Variants in SLC39A10 observed in about 807,000 individuals in gnomAD.
SLC39A10 encodes solute carrier family 39 member 10.
A neutral mutation model predicts 65.1 loss-of-function variants in SLC39A10; 13 were observed. That is an observed-to-expected ratio of 0.20 (90% CI 0.13 to 0.32). The LOEUF (loss-of-function observed/expected upper bound fraction) is 0.32. Ranked by LOEUF, SLC39A10 falls within the 10% of genes least tolerant of loss-of-function variation. The pLI, the probability that SLC39A10 is intolerant of heterozygous loss-of-function variation, is 1.00. For missense variants in SLC39A10, 831 were observed against 1,018.4 expected (o/e 0.82, Z 2.50); for synonymous variants, 321 against 342.2 (o/e 0.94, Z 0.68).
chr2:195,615,049 G>A (rs887423042), intron 2 of SLC39A10, among the ~76,000 whole-genome samples: 5 of 152,076 alleles, frequency 3.3e-5, no homozygotes, highest in African/African-American at 1.2e-4. Flanking sequence ...GTGAGACCTT[G>A]TCTCAAAAAG....
intron 2 of SLC39A10, among the ~76,000 whole-genome samples, chr2:195,626,781 G>A (rs1248353409): frequency 6.6e-6 from 1 of 152,072 alleles, no homozygotes; most frequent in Non-Finnish European, 1.5e-5. Flanking sequence ...AAGAATGCCA[G>A]GTAAAATATT....
chr2:195,652,990 TG>T (rs547060506), upstream of SLC39A10, among the ~76,000 whole-genome samples: 67 of 152,198 alleles, frequency 4.4e-4, no homozygotes, highest in African/African-American at 1.6e-3. Flanking sequence ...TAATCTGAGG[TG>T]GAACAGTTTC....
intron 6 of SLC39A10, among the ~76,000 whole-genome samples, chr2:195,713,974 T>C (rs1450580230): frequency 6.6e-6 from 1 of 152,096 alleles, no homozygotes; most frequent in Admixed American, 6.6e-5. Context: ...TCGCCCAGGC[T>C]GGAGTGCAGT....
chr2:195,657,200 CT>C, upstream of SLC39A10: 1 of 182,136 alleles, frequency 5.5e-6, no homozygotes, highest in South Asian at 1.8e-4. Context: ...TTAGCGCAGT[CT>C]GCTTTGGTGA....
intron 3 of SLC39A10, among the ~76,000 whole-genome samples, chr2:195,691,323 A>AT (rs1412369033): frequency 6.6e-6 from 1 of 152,154 alleles, no homozygotes; most frequent in African/African-American, 2.4e-5. Flanking sequence ...GCTGCTGTAA[A>AT]CGTGTGTCCA....
At chr2:195,715,559 A>T (rs1285923516) in intron 6 of SLC39A10, among the ~76,000 whole-genome samples, 1 of 151,444 alleles carries the variant, frequency 6.6e-6, no homozygotes, top group East Asian at 1.9e-4. Context: ...GAAATTCAAG[A>T]CTAGTAATAC....
At chr2:195,658,499 T>G (rs748781071) in intron 1 of SLC39A10, 1 of 152,270 alleles carries the variant, frequency 6.6e-6, no homozygotes, top group Non-Finnish European at 1.5e-5. Context: ...ACATTGGAAC[T>G]GAGTCATTCT....
At position 195,639,065 on chromosome 2, in the gene SLC39A10, C is replaced by T. The variant is rs530778868; in HGVS notation, c.-12+32832C>T. 1.3e-4 allele frequency among the ~76,000 whole-genome samples: 20 copies of T among 152,084 alleles called. No individual in the cohort carries two copies. The South Asian group carries it at 3.1e-3, about 24-fold the overall frequency. ...CTAACTCCTGGGCTCAAGTGATCCT[C>T]CTGCCTCTGCCTCCTATGTAGCTGG... On this transcript the variant is annotated intron_variant, in intron 2 of 2. Transcript: ENST00000458054.
rs539064330 is a variant in SLC39A10 at position 195,629,763 on chromosome 2, G to T, written c.-12+23530G>T. Reference sequence around the variant, plus strand: ...AATAACTTTCTTTTAAGACAATCTCGCTCTTGTCATCCAGGCTAAAGTAAA... The same window carrying T: ...AATAACTTTCTTTTAAGACAATCTCTCTCTTGTCATCCAGGCTAAAGTAAA... On this transcript the variant is annotated intron_variant, in intron 2 of 2. Transcript: ENST00000458054. Among the ~76,000 whole-genome samples the T allele has an allele frequency of 5.9e-5, 9 of 152,168 alleles. No homozygotes were observed. In the South Asian group the frequency reaches 1.2e-3, roughly 21 times the overall value.
chr2:195,710,090 A>T (rs1691556521), intron 5 of SLC39A10, among the ~76,000 whole-genome samples: 1 of 152,198 alleles, frequency 6.6e-6, no homozygotes, highest in Non-Finnish European at 1.5e-5. Flanking sequence ...ACTGTTGCTT[A>T]AATACTCTGA....
intron 3 of SLC39A10, among the ~76,000 whole-genome samples, chr2:195,685,608 C>G (rs1252162156): frequency 6.6e-6 from 1 of 152,148 alleles, no homozygotes; most frequent in Non-Finnish European, 1.5e-5. Context: ...CTTTCTAAAC[C>G]CCCATGCCTG....
At chr2:195,636,680 G>A (rs1688702888) in intron 2 of SLC39A10, among the ~76,000 whole-genome samples, 1 of 152,186 alleles carries the variant, frequency 6.6e-6, no homozygotes, top group Non-Finnish European at 1.5e-5. Flanking sequence ...TTGAACCTGG[G>A]AGGCGGAGCT....
intron 2 of SLC39A10, among the ~76,000 whole-genome samples, chr2:195,619,092 C>CA (rs66627464): frequency 0.034 from 2,371 of 69,286 alleles, 62 homozygotes; most frequent in African/African-American, 0.039. Context: ...GACTCTGTCT[C>CA]AAAAAAAAAA....
At chr2:195,699,650 ATTATAT>A (rs1429344252) in intron 3 of SLC39A10, among the ~76,000 whole-genome samples, 1 of 152,034 alleles carries the variant, frequency 6.6e-6, no homozygotes, top group Non-Finnish European at 1.5e-5. Context: ...GACACTTTGT[ATTATAT>A]TTATATTTTT....
At position 195,683,856 on chromosome 2, in the gene SLC39A10, A is replaced by G; in HGVS notation, c.1166A>G (p.Asn389Ser). 6.2e-7 allele frequency: 1 copy of G among 1,613,284 alleles called. No individual in the cohort carries two copies. Among genetic ancestry groups the G allele is most frequent in the Middle Eastern group, 1.7e-4 (1 of 6,024 alleles). ...GACAAACTTTTAGTTGAAGATATAA[A>G]TAAGGATAAAAACCTGGTTCCTGAA... ...HFDKLLVEDI[N>S]KDKNLVPEDE... Residue 389 changes from asparagine (N) to serine (S), a missense_variant, in exon 3 of 10, where the codon AAT becomes AGT. Coordinates refer to ENST00000359634, the MANE Select transcript of SLC39A10 (RefSeq NM_020342.3).
At chr2:195,688,190 A>G (rs983345721) in intron 3 of SLC39A10, among the ~76,000 whole-genome samples, 1 of 152,172 alleles carries the variant, frequency 6.6e-6, no homozygotes, top group Non-Finnish European at 1.5e-5. Context: ...AATAGTTTGT[A>G]TATTGTTTTA....
intron 1 of SLC39A10, among the ~76,000 whole-genome samples, chr2:195,662,696 T>C (rs1258361960): frequency 6.6e-6 from 1 of 152,194 alleles, no homozygotes; most frequent in African/African-American, 2.4e-5. Context: ...TTTAAAATAG[T>C]GGTTTCCCCT....
intron 3 of SLC39A10, among the ~76,000 whole-genome samples, chr2:195,704,931 G>A (rs560846511): frequency 6.6e-6 from 1 of 152,090 alleles, no homozygotes; most frequent in African/African-American, 2.4e-5. Context: ...CCAAGTAGCT[G>A]GGGCTACAGG....
chr2:195,616,051 G>T (rs1213463767), intron 2 of SLC39A10, among the ~76,000 whole-genome samples: 1 of 152,162 alleles, frequency 6.6e-6, no homozygotes, highest in East Asian at 1.9e-4. Flanking sequence ...CACGGCCTGG[G>T]TGCAAGCGAT....
Sources: allele counts gnomAD v4.1 joint callset (sites outside exome capture counted in the v4.1 genomes callset), GRCh38; gene constraint gnomAD v4.1.1; transcripts MANE v1.5; gene names NCBI Gene and HGNC (gene_info 2026-07-23, HGNC 2026-07-21).